The following SLC39A8 variants were observed in gnomAD, a reference collection of about 807,000 sequenced individuals.
The protein encoded by SLC39A8 is solute carrier family 39 member 8, also known as metal cation symporter ZIP8.
A neutral mutation model predicts 40.4 loss-of-function variants in SLC39A8; 15 were observed. The ratio of observed to expected loss-of-function variants is 0.37; its 90% CI spans 0.25 to 0.57. SLC39A8 has a LOEUF of 0.57. Ranked by LOEUF, SLC39A8 falls within the 20% of genes least tolerant of loss-of-function variation. SLC39A8 has a pLI of 0.75. For synonymous variants in SLC39A8, 223 were observed against 221.6 expected, an observed-to-expected ratio of 1.01 and a Z score of -0.06; for missense variants, 472 against 558.8, an observed-to-expected ratio of 0.84 and a Z score of 1.57.
rs1186299517 is a variant in SLC39A8, at chr4:102,320,179, A to ATATATATG, written c.220-4350_220-4349insCATATATA. The stretch of plus-strand genomic sequence containing the variant: ...CTCATATATATATACATATATATAT[A>ATATATATG]TATATATATATGTATATATATATGT... On this transcript the variant is annotated intron_variant, in intron 2 of 8. Coordinates refer to ENST00000356736, the MANE Select transcript of SLC39A8 (RefSeq NM_001135146.2). 4.4e-3 allele frequency among the ~76,000 whole-genome samples: 440 copies of ATATATATG among 99,772 alleles called. 6 individuals carry two copies. Among genetic ancestry groups the ATATATATG allele is most frequent in the African/African-American group, 0.013 (411 of 31,412 alleles). 65.5% of individuals were successfully genotyped at this position (99,772 alleles called of 152,430 possible). A position where few individuals can be genotyped will look rare whatever the true frequency, so the allele number is the denominator to read the frequency against.
chr4:102,252,811 G>C (rs1163084339), exon 12 of SLC39A8: 2 of 151,802 alleles, frequency 1.3e-5, no homozygotes, highest in African/African-American at 4.8e-5. Flanking sequence ...AAAATGTATT[G>C]TCTCACAGTT....
chr4:102,317,520 A>G (rs1734716825), intron 2 of SLC39A8, among the ~76,000 whole-genome samples: 1 of 152,144 alleles, frequency 6.6e-6, no homozygotes, highest in African/African-American at 2.4e-5. Flanking sequence ...ATGGAGGGAG[A>G]AAATACCTCA....
intron 2 of SLC39A8, among the ~76,000 whole-genome samples, chr4:102,338,553 A>G (rs1735779324): frequency 6.6e-6 from 1 of 152,192 alleles, no homozygotes; most frequent in Non-Finnish European, 1.5e-5. Context: ...TAGCCTCCAC[A>G]GCTCTAGTAC....
At chr4:102,327,448 C>A (rs1292244528) in intron 2 of SLC39A8, among the ~76,000 whole-genome samples, 1 of 152,138 alleles carries the variant, frequency 6.6e-6, no homozygotes, top group African/African-American at 2.4e-5. Context: ...ATGACCCCTG[C>A]CTAGAATATG....
chr4:102,276,181 A>G (rs1732608603), intron 6 of SLC39A8, among the ~76,000 whole-genome samples: 2 of 152,218 alleles, frequency 1.3e-5, no homozygotes, highest in African/African-American at 2.4e-5. Context: ...CCTTCAAAAA[A>G]TCAATGAATC....
intron 6 of SLC39A8, among the ~76,000 whole-genome samples, chr4:102,270,442 C>T (rs1732300239): frequency 6.6e-6 from 1 of 152,112 alleles, no homozygotes; most frequent in Non-Finnish European, 1.5e-5. Context: ...TTTTTTAATT[C>T]ACCTAGAATT....
At chr4:102,259,299 A>T (rs546151182), downstream of SLC39A8, among the ~76,000 whole-genome samples, 30 of 152,336 alleles carry the variant, frequency 2.0e-4, no homozygotes, top group South Asian at 5.2e-3. Flanking sequence ...GCTTGGCAAT[A>T]AATTATCCAC....
intron 6 of SLC39A8, 63 bp downstream of exon 6, chr4:102,304,254 C>G: frequency 7.8e-7 from 1 of 1,277,674 alleles, no homozygotes. Context: ...GCTGCATAAA[C>G]AGTCATGTTT....
intron 8 of SLC39A8, 131 bp from the exon 9 acceptor site, chr4:102,263,324 T>TA: frequency 1.4e-6 from 1 of 704,342 alleles, no homozygotes. Context: ...AACATCTCAA[T>TA]AAAGCAAGTT....
intron 6 of SLC39A8, among the ~76,000 whole-genome samples, chr4:102,295,943 G>A (rs1733661598): frequency 6.6e-6 from 1 of 152,078 alleles, no homozygotes; most frequent in African/African-American, 2.4e-5. Context: ...CTTGGCAAGT[G>A]GCTCTAGCTG....
chr4:102,303,834 C>T (rs578189369), intron 6 of SLC39A8, among the ~76,000 whole-genome samples: 37 of 151,706 alleles, frequency 2.4e-4, no homozygotes, highest in African/African-American at 7.5e-4. Flanking sequence ...GTATATGATA[C>T]GTGCTCAAGA....
chr4:102,285,649 A>ATGTGTG (rs1560537834), intron 6 of SLC39A8, among the ~76,000 whole-genome samples: 12 of 112,750 alleles, frequency 1.1e-4, no homozygotes, highest in Admixed American at 1.0e-3. Context: ...GTGTGTGTGC[A>ATGTGTG]TGTGTGTATG....
chr4:102,261,615 C>A, downstream of SLC39A8: 1 of 752,736 alleles, frequency 1.3e-6, no homozygotes, highest in Non-Finnish European at 1.6e-6. Context: ...ATACCAGATA[C>A]ATGGTAGTCA....
At chr4:102,338,606 C>T (rs1005754435) in intron 2 of SLC39A8, among the ~76,000 whole-genome samples, 7 of 152,260 alleles carry the variant, frequency 4.6e-5, no homozygotes, top group Admixed American at 3.9e-4. Flanking sequence ...GATAGGCAGT[C>T]GATGACTAGT....
Position 102,261,845 on chromosome 4 carries a change from T to A in SLC39A8, c.*1199A>T. The A allele has an allele frequency of 3.0e-6, 3 of 985,714 alleles. No homozygotes were observed. Among genetic ancestry groups the A allele is most frequent in the Non-Finnish European group, 3.6e-6 (3 of 829,656 alleles). 61.1% of individuals were successfully genotyped at this position (985,714 alleles called of 1,614,324 possible). On this transcript the variant is annotated 3_prime_UTR_variant, in exon 9 of 9. Transcript: ENST00000356736. ...TGAGATCATTGTTGGGCTTTGTCAA[T>A]CATTTTCCTCACCATCAAATCACCT...
chr4:102,255,204 A>G (rs1324031893), intron 11 of SLC39A8, among the ~76,000 whole-genome samples: 1 of 152,242 alleles, frequency 6.6e-6, no homozygotes, highest in East Asian at 1.9e-4. Context: ...TTTGTTTGAA[A>G]TAAATATCTC....
At chr4:102,294,026 G>A (rs1733578112) in intron 6 of SLC39A8, among the ~76,000 whole-genome samples, 1 of 150,942 alleles carries the variant, frequency 6.6e-6, no homozygotes, top group African/African-American at 2.4e-5. Context: ...AAAGAAGCGA[G>A]GATAACTGCT....
At chr4:102,252,139 G>A (rs1159370523) in exon 12 of SLC39A8, 1 of 152,340 alleles carries the variant, frequency 6.6e-6, no homozygotes, top group African/African-American at 2.4e-5. Flanking sequence ...CTAGAGCATA[G>A]GCCAGAACCT....
downstream of SLC39A8, among the ~76,000 whole-genome samples, chr4:102,260,946 T>C (rs1365750741): frequency 6.6e-6 from 1 of 152,220 alleles, no homozygotes; most frequent in African/African-American, 2.4e-5. Context: ...GTAAACTCAC[T>C]GATTCTGGGA....
Sources: allele counts gnomAD v4.1 joint callset (sites outside exome capture counted in the v4.1 genomes callset), GRCh38; gene constraint gnomAD v4.1.1; transcripts MANE v1.5; gene names NCBI Gene and HGNC (gene_info 2026-07-23, HGNC 2026-07-21).